TYW1B: variants seen among roughly 807,000 people sequenced by gnomAD.
TYW1B encodes tRNA-yW synthesizing protein 1 homolog B.
Under a neutral mutation model 86.9 loss-of-function variants are expected in TYW1B, and 73 were observed. The observed-to-expected ratio is 0.84, with a 90% CI of 0.70 to 1.02. The LOEUF (loss-of-function observed/expected upper bound fraction) is 1.02. Among genes scored for constraint, TYW1B ranks in the 50% least tolerant of loss-of-function variants. The pLI, the probability that TYW1B is intolerant of heterozygous loss-of-function variation, is 0.00. For missense variants in TYW1B, 637 were observed against 827.4 expected (o/e 0.77, Z 2.82); for synonymous variants, 248 against 292.8 (o/e 0.85, Z 1.56).
At chr7:72,601,723 A>AT (rs1419830513) in intron 13 of TYW1B, among the ~76,000 whole-genome samples, 2 of 151,798 alleles carry the variant, frequency 1.3e-5, no homozygotes, top group African/African-American at 4.8e-5. Flanking sequence ...AAAATGCACG[A>AT]AAGAATCTTA....
chr7:72,746,933 C>T lies in TYW1B; in HGVS notation c.965-2332G>A, dbSNP rs1388892050. 3.3e-5 allele frequency among the ~76,000 whole-genome samples: 5 copies of T among 152,304 alleles called. No individual in the cohort carries two copies. In the South Asian group the frequency reaches 6.2e-4, roughly 19 times the overall value. On this transcript the variant is annotated intron_variant, in intron 7 of 13. Coordinates refer to ENST00000620995, the MANE Select transcript of TYW1B (RefSeq NM_001145440.3). ...AAATGATGTCTCCAAATGTTTAAGT[C>T]TGTGATCCATTTTGAATTAATTTTT...
intron 2 of TYW1B, among the ~76,000 whole-genome samples, chr7:72,823,677 A>C (rs1788874416): frequency 6.6e-6 from 1 of 152,070 alleles, no homozygotes; most frequent in Admixed American, 6.6e-5. Context: ...AAATAAATTC[A>C]GATGGCGCAG....
rs1265250372 is a variant in TYW1B, at chr7:72,653,378, G to A, written c.1507-24381C>T. On this transcript the variant is annotated intron_variant, in intron 11 of 13. Coordinates refer to ENST00000620995, the MANE Select transcript of TYW1B (RefSeq NM_001145440.3). ...TCCCAGCACTTTGGGAGGCCGAGGC[G>A]GGCGGATCACGAGGTCAGGAGATCG... Among the ~76,000 whole-genome samples, 41 of 152,080 alleles carry A rather than the reference G, an allele frequency of 2.7e-4. 1 individual carries two copies. Among genetic ancestry groups the A allele is most frequent in the African/African-American group, 6.5e-4 (27 of 41,414 alleles).
At chr7:72,816,131 C>A (rs1788717521) in intron 2 of TYW1B, among the ~76,000 whole-genome samples, 1 of 152,112 alleles carries the variant, frequency 6.6e-6, no homozygotes, top group Non-Finnish European at 1.5e-5. Context: ...AATCCCAGTA[C>A]CTTGGGAGGC....
chr7:72,676,746 G>A (rs1165197098), intron 11 of TYW1B, among the ~76,000 whole-genome samples: 3 of 152,086 alleles, frequency 2.0e-5, no homozygotes, highest in Middle Eastern at 3.2e-3. Context: ...ATTGCTTGAG[G>A]CCAGGAGTTC....
chr7:72,594,318 T>C (rs1409887307), intron 13 of TYW1B, among the ~76,000 whole-genome samples: 2 of 148,916 alleles, frequency 1.3e-5, no homozygotes, highest in Non-Finnish European at 3.0e-5. Context: ...AAATCAGAAA[T>C]GATTTTGCTA....
intron 6 of TYW1B, among the ~76,000 whole-genome samples, chr7:72,797,002 T>C (rs1458328543): frequency 3.3e-5 from 5 of 151,674 alleles, no homozygotes; most frequent in African/African-American, 1.2e-4. Context: ...AGATGGGGTT[T>C]CATCGTGTTG....
intron 8 of TYW1B, among the ~76,000 whole-genome samples, chr7:72,729,753 C>T (rs1272852018): frequency 2.0e-5 from 3 of 152,074 alleles, no homozygotes; most frequent in Admixed American, 2.0e-4. Context: ...GCCCTACAGG[C>T]CCCTCAAGGC....
chr7:72,741,658 A>C (rs1178919657), intron 8 of TYW1B, among the ~76,000 whole-genome samples: 2 of 152,218 alleles, frequency 1.3e-5, no homozygotes, highest in Non-Finnish European at 2.9e-5. Context: ...AAGTAGTACA[A>C]ACACAAAGAG....
chr7:72,718,979 C>G (rs1346744840), intron 9 of TYW1B, among the ~76,000 whole-genome samples: 1 of 152,046 alleles, frequency 6.6e-6, no homozygotes. Flanking sequence ...CAAGCCCATT[C>G]CCTGATCTTT....
At chr7:72,655,269 C>T (rs1159117288) in intron 11 of TYW1B, among the ~76,000 whole-genome samples, 56 of 152,244 alleles carry the variant, frequency 3.7e-4, no homozygotes, top group African/African-American at 1.3e-3. Flanking sequence ...ACCTGCAACC[C>T]TACCCCCAGA....
At chr7:72,665,480 A>G (rs1367379700) in intron 11 of TYW1B, among the ~76,000 whole-genome samples, 2 of 152,226 alleles carry the variant, frequency 1.3e-5, no homozygotes, top group East Asian at 3.8e-4. Flanking sequence ...GGGATGTTAT[A>G]TGCAGCTGAT....
At chr7:72,602,179 T>C (rs1811681827) in intron 13 of TYW1B, among the ~76,000 whole-genome samples, 10 of 152,158 alleles carry the variant, frequency 6.6e-5, no homozygotes, top group Admixed American at 6.6e-4. Flanking sequence ...CTAAGTCATT[T>C]TGGAAACGGG....
At chr7:72,763,121 C>CA (rs1422541303) in intron 7 of TYW1B, among the ~76,000 whole-genome samples, 1 of 151,498 alleles carries the variant, frequency 6.6e-6, no homozygotes, top group Non-Finnish European at 1.5e-5. Flanking sequence ...AATCACACCA[C>CA]AAAAAGTTTT....
At chr7:72,765,274 A>G (rs1193350586) in intron 7 of TYW1B, among the ~76,000 whole-genome samples, 7 of 152,148 alleles carry the variant, frequency 4.6e-5, no homozygotes, top group African/African-American at 7.2e-5. Flanking sequence ...TGTGTGATCA[A>G]TGTGGGAAGA....
At chr7:72,753,586 T>C (rs1787537598) in intron 7 of TYW1B, among the ~76,000 whole-genome samples, 1 of 151,646 alleles carries the variant, frequency 6.6e-6, no homozygotes, top group Non-Finnish European at 1.5e-5. Flanking sequence ...GTTCAAGTGA[T>C]TCTCCTGCTT....
chr7:72,758,249 G>A (rs527590775), intron 7 of TYW1B, among the ~76,000 whole-genome samples: 4 of 152,026 alleles, frequency 2.6e-5, no homozygotes, highest in South Asian at 4.2e-4. Flanking sequence ...GGTGTAGTAG[G>A]TACAATAGTT....
chr7:72,752,690 C>T (rs1308334924), intron 7 of TYW1B, among the ~76,000 whole-genome samples: 1 of 152,054 alleles, frequency 6.6e-6, no homozygotes, highest in African/African-American at 2.4e-5. Flanking sequence ...AAGATTGCAC[C>T]ACCGCACTCC....
chr7:72,757,122 C>T (rs139781033), intron 7 of TYW1B, among the ~76,000 whole-genome samples: 1,889 of 152,196 alleles, frequency 0.012, 38 homozygotes, highest in African/African-American at 0.042. Context: ...AATCCTAGCA[C>T]TTTGGGAGGT....
Sources: allele counts gnomAD v4.1 joint callset (sites outside exome capture counted in the v4.1 genomes callset), GRCh38; gene constraint gnomAD v4.1.1; transcripts MANE v1.5; gene names NCBI Gene and HGNC (gene_info 2026-07-23, HGNC 2026-07-21).